Variants in FBN1 observed in about 807,000 individuals in gnomAD.
The protein encoded by FBN1 is fibrillin-1.
A neutral mutation model predicts 365.1 loss-of-function variants in FBN1; 29 were observed. That is an observed-to-expected ratio of 0.08 (90% CI 0.06 to 0.11). FBN1 has a LOEUF of 0.11. Ranked by LOEUF, FBN1 falls within the 10% of genes least tolerant of loss-of-function variation. The pLI, the probability that FBN1 is intolerant of heterozygous loss-of-function variation, is 1.00. For missense variants in FBN1, 2,476 were observed against 3,703.2 expected (o/e 0.67, Z 8.60); for synonymous variants, 1,210 against 1,270.5 (o/e 0.95, Z 1.01).
chr15:48,630,088 A>C (rs1158328249), intron 2 of FBN1, among the ~76,000 whole-genome samples: 1 of 152,202 alleles, frequency 6.6e-6, no homozygotes, highest in Non-Finnish European at 1.5e-5. Flanking sequence ...ACTTCACTAC[A>C]CCTGTGCAAA....
Position 48,492,498 on chromosome 15 carries a change from A to G in FBN1, c.2817T>C (p.Ser939=), listed in dbSNP as rs1254659886. ...TRGSFKCQCP[S]GMTLDATGRI... ...TTCCTGTGGCATCCAAAGTCATTCC[A>G]CTGGGACACTGACACTTGAATGACC... is the stretch of plus-strand genomic sequence containing the variant. The change falls in exon 24 of 66, where the codon AGT becomes AGC. Residue 939 remains serine, a synonymous_variant. Transcript: ENST00000316623. 3.7e-6 allele frequency: 6 copies of G among 1,613,738 alleles called. No homozygotes were observed. In the East Asian group the frequency reaches 1.1e-4, roughly 30 times the overall value.
At chr15:48,558,493 T>C (rs1324363747) in intron 6 of FBN1, among the ~76,000 whole-genome samples, 1 of 152,166 alleles carries the variant, frequency 6.6e-6, no homozygotes. Context: ...AAGCAAAGCA[T>C]AGTTTTTTTT....
In FBN1 at chr15:48,644,649, G is replaced by C. The variant is rs1158441291; in HGVS notation, c.121C>G (p.Arg41Gly). Residue 41 changes from arginine (R) to glycine (G), a missense_variant, in exon 2 of 66, where the codon CGG becomes GGG. Physicochemically the swap from Arg to Gly is moderately radical, Grantham distance 125 (BLOSUM62 -2). Around this residue, in one of 5 missense-constraint regions of FBN1, gnomAD observed 76 missense variants for 85.4 expected, o/e 0.89. Transcript: ENST00000316623. ...AGNVKETRASRAKRRGGGGHD... is the reference protein window; with the variant it reads ...AGNVKETRASGAKRRGGGGHD... Reference sequence around the variant, plus strand: ...CCTCCACCGCCTCTTCTCTTGGCCCGACTGGCTCTGGTTTCCTTCACGTTC... The same window carrying C: ...CCTCCACCGCCTCTTCTCTTGGCCCCACTGGCTCTGGTTTCCTTCACGTTC... The C allele has an allele frequency of 9.9e-6, 16 of 1,613,720 alleles. No homozygotes were observed. Among genetic ancestry groups the C allele is most frequent in the Non-Finnish European group, 1.4e-5 (16 of 1,180,000 alleles).
chr15:48,421,439 G>C (rs1330655359), intron 62 of FBN1, 119 bp downstream of exon 62: 1 of 1,229,770 alleles, frequency 8.1e-7, no homozygotes, highest in Non-Finnish European at 1.2e-6. Context: ...TTTTAGCTGA[G>C]TGCCCCCCTG....
chr15:48,443,763 T>G (rs1321405219), intron 49 of FBN1, among the ~76,000 whole-genome samples: 5 of 152,164 alleles, frequency 3.3e-5, no homozygotes, highest in Admixed American at 6.5e-5. Context: ...TGATATGACA[T>G]ATTTGTTGAG....
At chr15:48,465,105 A>G (rs2043310016) in intron 40 of FBN1, among the ~76,000 whole-genome samples, 1 of 152,208 alleles carries the variant, frequency 6.6e-6, no homozygotes, top group Non-Finnish European at 1.5e-5. Context: ...AGGATGAACA[A>G]GGGCCACCAC....
chr15:48,507,124 G>GT (rs1227878957), intron 15 of FBN1, among the ~76,000 whole-genome samples: 2 of 152,172 alleles, frequency 1.3e-5, no homozygotes, highest in Non-Finnish European at 2.9e-5. Flanking sequence ...GGACGCTGTG[G>GT]CCTGGGTCAG....
chr15:48,534,974 C>T (rs1481499848), intron 7 of FBN1, among the ~76,000 whole-genome samples: 2 of 152,182 alleles, frequency 1.3e-5, no homozygotes, highest in Non-Finnish European at 2.9e-5. Flanking sequence ...CATGACTTCT[C>T]TGATCTTTTA....
intron 2 of FBN1, among the ~76,000 whole-genome samples, chr15:48,623,538 G>GA (rs1236857512): frequency 2.0e-5 from 3 of 152,036 alleles, no homozygotes; most frequent in Non-Finnish European, 2.9e-5. Context: ...GGCAAAAGAA[G>GA]AAAAAAAATC....
chr15:48,513,710 T>C, intron 12 of FBN1, 42 bp from the exon 13 acceptor site: 1 of 1,611,814 alleles, frequency 6.2e-7, no homozygotes, highest in Non-Finnish European at 8.5e-7. Context: ...TACATAGCAA[T>C]ACCTCATAAT....
chr15:48,587,139 TCGGGA>T (rs2044442937), intron 6 of FBN1, among the ~76,000 whole-genome samples: 2 of 152,308 alleles, frequency 1.3e-5, no homozygotes, highest in South Asian at 4.1e-4. Context: ...TGGCACATCG[TCGGGA>T]CCATGAAGCC....
intron 9 of FBN1, among the ~76,000 whole-genome samples, chr15:48,525,738 A>G (rs2043905376): frequency 6.6e-6 from 1 of 152,214 alleles, no homozygotes; most frequent in Non-Finnish European, 1.5e-5. Context: ...GAAGCCAAGA[A>G]GCAGGGAGAC....
rs145183337 is a variant in FBN1, at chr15:48,546,837, C to T, written c.539-9029G>A. 5.5e-3 allele frequency among the ~76,000 whole-genome samples: 837 copies of T among 152,184 alleles called. 3 individuals are homozygous for T. The highest frequency in any genetic ancestry group is 0.019 in the African/African-American group (790 of 41,508). On this transcript the variant is annotated intron_variant, in intron 6 of 65. Coordinates refer to ENST00000316623, the MANE Select transcript of FBN1 (RefSeq NM_000138.5). ...TCCTTGGGCCAAAGAACCAACAGCA[C>T]GTGTGGATGGATCAGATGGGAAGCG...
Position 48,495,996 on chromosome 15 carries a change from A to G in FBN1, c.2419+104T>C, listed in dbSNP as rs536320492. 4.6e-4 allele frequency: 659 copies of G among 1,445,220 alleles called. 2 individuals carry two copies. The highest frequency in any genetic ancestry group is 7.3e-4 in the Middle Eastern group (4 of 5,468). 89.5% of individuals were successfully genotyped at this position (1,445,220 alleles called of 1,614,324 possible). On this transcript the variant is annotated intron_variant, in intron 20 of 65. Coordinates refer to ENST00000316623, the MANE Select transcript of FBN1 (RefSeq NM_000138.5). ...ACCACAGAATTTCAACTAAACTGGC[A>G]TAACTGTCTAAAATACAGGAGACTC...
At chr15:48,471,691 T>C (rs889121462) in intron 35 of FBN1, among the ~76,000 whole-genome samples, 1 of 152,254 alleles carries the variant, frequency 6.6e-6, no homozygotes, top group Non-Finnish European at 1.5e-5. Flanking sequence ...ATGACTGATT[T>C]TGAGTTCACG....
intron 4 of FBN1, among the ~76,000 whole-genome samples, chr15:48,605,852 G>A (rs569027084): frequency 1.1e-4 from 17 of 152,240 alleles, no homozygotes; most frequent in African/African-American, 3.6e-4. Flanking sequence ...TCCAACCTGG[G>A]TGACAGAGTA....
rs1381018467 is a variant in FBN1 at position 48,420,739 on chromosome 15, C to T, written c.7767G>A (p.Arg2589=). ...HGCQNIIGGY[R]CSCPQGYLQH... is the part of the protein sequence containing the mutation. ...GGAGGTAGCCCTGGGGGCAGCTGCA[C>T]CTGTAGCCCCCAATGATGTTCTGGC... The change falls in exon 63 of 66, where the codon AGG becomes AGA. Residue 2589 remains arginine (R), a synonymous_variant. Transcript: ENST00000316623. 6.2e-7 allele frequency: 1 copy of T among 1,613,974 alleles called. No homozygotes were observed. Among genetic ancestry groups the T allele is most frequent in the South Asian group, 1.1e-5 (1 of 91,086 alleles).
chr15:48,542,089 G>A (rs759184104), intron 6 of FBN1, among the ~76,000 whole-genome samples: 2 of 152,102 alleles, frequency 1.3e-5, no homozygotes, highest in Non-Finnish European at 2.9e-5. Flanking sequence ...TCAAGGCTTG[G>A]GCTCTGACCA....
At chr15:48,487,260 G>A (rs2043516269) in intron 28 of FBN1, 52 bp downstream of exon 28, 3 of 1,614,168 alleles carry the variant, frequency 1.9e-6, no homozygotes, top group Non-Finnish European at 2.5e-6. Context: ...TGGCAATGAT[G>A]TCATTCAAAC....
Sources: gnomAD v4.1 joint callset for allele counts (sites outside exome capture counted in the v4.1 genomes callset) on GRCh38, gnomAD v4.1.1 for gene constraint, gnomAD v4.1.1 regional missense constraint, MANE v1.5 for transcripts, NCBI Gene and HGNC (gene_info 2026-07-23, HGNC 2026-07-21) for gene names.